Variants in CHD5 observed in about 807,000 individuals in gnomAD.
CHD5 encodes ATP-dependent chromatin remodeler CHD5.
Under a neutral mutation model 230.3 loss-of-function variants are expected in CHD5, and 69 were observed. The observed-to-expected ratio is 0.30, with a 90% CI of 0.25 to 0.37. The LOEUF (loss-of-function observed/expected upper bound fraction) is 0.37. CHD5 is among the 10% of genes least tolerant of loss of function. CHD5 has a pLI of 1.00. For synonymous variants in CHD5, 1,064 were observed against 1,065.9 expected (o/e 1.00, Z 0.03); for missense variants, 1,827 against 2,622.8 (o/e 0.70, Z 6.63).
At chr1:6,178,912 G>A (rs1302091220) in intron 1 of CHD5, among the ~76,000 whole-genome samples, 1 of 152,188 alleles carries the variant, frequency 6.6e-6, no homozygotes, top group Non-Finnish European at 1.5e-5. Flanking sequence ...GGGCCCGGGA[G>A]GGCCTCCAGC....
At position 6,154,991 on chromosome 1, in the gene CHD5, G is replaced by A; in HGVS notation, c.507-93C>T. The A allele has an allele frequency of 3.7e-6, 4 of 1,088,756 alleles. No individual in the cohort carries two copies. The highest frequency in any genetic ancestry group is 5.3e-6 in the Non-Finnish European group (4 of 749,658). The allele number at this position is 1,088,756 out of a possible 1,614,324, so 67.4% of individuals were successfully genotyped here. A position where few individuals can be genotyped will look rare whatever the true frequency, so the allele number is the denominator to read the frequency against. On this transcript the variant is annotated intron_variant, in intron 4 of 41. Transcript: ENST00000262450. The surrounding 1 kb of genome is among the most constrained non-coding windows in gnomAD (Gnocchi z 7.0). Reference sequence around the variant, plus strand: ...CAGGGCCCACCCCTCTGCCACATGTGCGATCTATGGCAGCAGCCCCAGGTT... The same window carrying A: ...CAGGGCCCACCCCTCTGCCACATGTACGATCTATGGCAGCAGCCCCAGGTT...
Position 6,151,101 on chromosome 1 carries a change from C to T in CHD5, c.925G>A (p.Ala309Thr). The T allele has an allele frequency of 6.2e-7, 1 of 1,609,996 alleles. No individual in the cohort carries two copies. Among genetic ancestry groups the T allele is most frequent in the Non-Finnish European group, 8.5e-7 (1 of 1,177,914 alleles). ...SDFDSASIHS[A>T]SVRSECSAAL... ...GCAGAGCATTCGGAGCGCACGGAGG[C>T]ACTGTGGATGCTGGCGCTGTCGAAG... is the stretch of plus-strand genomic sequence containing the variant. Residue 309 changes from alanine (A) to threonine (T), a missense_variant, in exon 7 of 42, where the codon GCC (alanine) becomes ACC (threonine). Around this residue, in one of 14 missense-constraint regions of CHD5, gnomAD observed 657 missense variants for 816.4 expected, o/e 0.80. Coordinates refer to ENST00000262450, the MANE Select transcript of CHD5 (RefSeq NM_015557.3).
intron 1 of CHD5, among the ~76,000 whole-genome samples, chr1:6,170,348 G>A (rs1667317657): frequency 6.6e-6 from 1 of 152,202 alleles, no homozygotes; most frequent in South Asian, 2.1e-4. Context: ...GGGGACAGGA[G>A]GGCTCCTACC....
intron 1 of CHD5, among the ~76,000 whole-genome samples, chr1:6,175,538 AGATG>A (rs1178697552): frequency 7.3e-6 from 1 of 136,884 alleles, no homozygotes; most frequent in African/African-American, 2.8e-5. Context: ...GTGGATGGGC[AGATG>A]GATGGATGGT....
At chr1:6,114,938 C>T (rs552233608) in intron 33 of CHD5, among the ~76,000 whole-genome samples, 6 of 150,958 alleles carry the variant, frequency 4.0e-5, no homozygotes, top group Admixed American at 2.0e-4. Context: ...CACTTGAACC[C>T]GGGAAGCAGA....
chr1:6,159,895 G>A (rs951735256), intron 2 of CHD5, among the ~76,000 whole-genome samples: 1 of 152,248 alleles, frequency 6.6e-6, no homozygotes, highest in African/African-American at 2.4e-5. Flanking sequence ...GGACTTTGGG[G>A]GCTGAATTAG....
chr1:6,112,360 C>A, intron 34 of CHD5, 83 bp from the exon 35 acceptor site: 1 of 1,540,168 alleles, frequency 6.5e-7, no homozygotes, highest in Non-Finnish European at 8.8e-7. Context: ...CACGGGGGAC[C>A]CAGGAGGCAA....
chr1:6,152,923 A>G (rs922977269), intron 5 of CHD5, among the ~76,000 whole-genome samples: 1 of 152,066 alleles, frequency 6.6e-6, no homozygotes, highest in Non-Finnish European at 1.5e-5. Context: ...TGAGCCCCCA[A>G]AGGATGTCTT....
At chr1:6,143,688 G>C (rs1217867478) in intron 13 of CHD5, 135 bp downstream of exon 13, 1 of 761,370 alleles carries the variant, frequency 1.3e-6, no homozygotes, top group African/African-American at 1.7e-5. Flanking sequence ...GCCTACATGG[G>C]CATGACACTG....
intron 31 of CHD5, 113 bp downstream of exon 31, chr1:6,123,835 T>G: frequency 4.5e-6 from 3 of 673,830 alleles, no homozygotes; most frequent in Non-Finnish European, 6.8e-6. Context: ...AACAGAGGCT[T>G]TGGGGGAAGG....
rs185675828 is a variant in CHD5 at position 6,133,721 on chromosome 1, C to T, written c.3144+407G>A. ...GAGGAAGAAATGAACACACCTGAGC[C>T]GGCGGCCCTGCCTCCAAGCCAAAAA... On this transcript the variant is annotated intron_variant, in intron 20 of 41. Transcript: ENST00000262450. Among the ~76,000 whole-genome samples, 9 of 152,342 alleles carry T rather than the reference C, an allele frequency of 5.9e-5. No individual in the cohort carries two copies. The East Asian group carries it at 1.2e-3, about 20-fold the overall frequency.
At position 6,112,933 on chromosome 1, in the gene CHD5, C is replaced by T; in HGVS notation, c.4978G>A (p.Gly1660Arg). Reference sequence around the variant, plus strand: ...CCTGGCCTGAGTTCGGAACTGTCCCCTCTGCTGTGGATCAAGCTCAGCTCC... The same window carrying T: ...CCTGGCCTGAGTTCGGAACTGTCCCTTCTGCTGTGGATCAAGCTCAGCTCC... ...KLELSLIHSR[G>R]DSSELRPDDT... Residue 1660 changes from glycine (G) to arginine (R), a missense_variant, in exon 34 of 42, where the codon GGG becomes AGG. Transcript: ENST00000262450. 6.2e-7 allele frequency: 1 copy of T among 1,613,960 alleles called. No homozygotes were observed. Among genetic ancestry groups the T allele is most frequent in the Non-Finnish European group, 8.5e-7 (1 of 1,179,870 alleles).
Position 6,134,572 on chromosome 1 carries a change from C to T in CHD5, c.3012+146G>A. On this transcript the variant is annotated intron_variant, in intron 19 of 41. Coordinates refer to ENST00000262450, the MANE Select transcript of CHD5 (RefSeq NM_015557.3). The surrounding 1 kb of genome is among the most constrained non-coding windows in gnomAD (Gnocchi z 6.3). ...GGCCACAGGCAACCTTCCATGATGG[C>T]CAGGGAAACCTACCATGACAGCCAC... The T allele has an allele frequency of 1.1e-6, 1 of 932,906 alleles. No homozygotes were observed. Among genetic ancestry groups the T allele is most frequent in the Non-Finnish European group, 1.7e-6 (1 of 595,052 alleles). 57.8% of individuals were successfully genotyped at this position (932,906 alleles called of 1,614,324 possible).
intron 11 of CHD5, among the ~76,000 whole-genome samples, chr1:6,144,801 C>T (rs766792565): frequency 4.6e-5 from 7 of 152,214 alleles, no homozygotes; most frequent in Non-Finnish European, 1.0e-4. Flanking sequence ...CACAGCAGTG[C>T]CGAGGAGGCA....
chr1:6,164,911 G>A lies in CHD5; in HGVS notation c.207+3239C>T, dbSNP rs540165319. On this transcript the variant is annotated intron_variant, in intron 2 of 41. Transcript: ENST00000262450. ...GAGAAATGAGGGTACAGGGGGAAGA[G>A]AGAAAAGACGGCAAAGGAGAGAGAG... Among the ~76,000 whole-genome samples the A allele has an allele frequency of 3.9e-5, 6 of 152,262 alleles. No homozygotes were observed. In the South Asian group the frequency reaches 1.2e-3, roughly 32 times the overall value.
Position 6,125,527 on chromosome 1 carries a change from G to A in CHD5, c.4257C>T (p.Ile1419=), listed in dbSNP as rs371488822. 97 of 1,581,774 alleles carry A rather than the reference G, an allele frequency of 6.1e-5. No individual in the cohort carries two copies. The highest frequency in any genetic ancestry group is 8.1e-5 in the Non-Finnish European group (94 of 1,162,524). ...TGCGGGAACAGACAGGCCCCACCTC[G>A]ATGTTGCCACCAACTCGGGCGAGAA... ...PPLLARVGGN[I]EVLGFNARQR... is the part of the protein sequence containing the mutation. Residue 1419 remains isoleucine, a synonymous_variant, in exon 28 of 42, where the codon ATC becomes ATT. Transcript: ENST00000262450. This position sits in a 1 kb window ranked among gnomAD's most constrained non-coding sequence, Gnocchi z 6.7.
At chr1:6,151,272 G>T in intron 6 of CHD5, 117 bp from the exon 7 acceptor site, 1 of 1,238,632 alleles carries the variant, frequency 8.1e-7, no homozygotes, top group Non-Finnish European at 1.1e-6. Context: ...AGTGCTCTCT[G>T]TGATTCATCT....
At chr1:6,112,102 G>A in intron 35 of CHD5, 38 bp downstream of exon 35, 1 of 1,603,772 alleles carries the variant, frequency 6.2e-7, no homozygotes, top group Non-Finnish European at 8.5e-7. Flanking sequence ...CCACAGTCAG[G>A]AAGCCTCAGC....
In CHD5 at chr1:6,103,547, C is replaced by CACTGCTTG. The variant is rs1666109373; in HGVS notation, c.*1919_*1926dup. 6.6e-6 allele frequency: 1 copy of CACTGCTTG among 152,378 alleles called. No homozygotes were observed. The highest frequency in any genetic ancestry group is 1.5e-5 in the Non-Finnish European group (1 of 68,140). 9.4% of individuals were successfully genotyped at this position (152,378 alleles called of 1,614,324 possible). ...AACGAGGGCCAACCCCAGTGCTTGC[C>CACTGCTTG]ACTGCTTGTTTGGGGACGAGGGCAC... On this transcript the variant is annotated 3_prime_UTR_variant, in exon 42 of 42. Transcript: ENST00000262450.
Sources: gnomAD v4.1 joint callset for allele counts (sites outside exome capture counted in the v4.1 genomes callset) on GRCh38, gnomAD v4.1.1 for gene constraint, gnomAD v4.1.1 regional missense constraint, Gnocchi (gnomAD v3.1) non-coding constraint, MANE v1.5 for transcripts, NCBI Gene and HGNC (gene_info 2026-07-23, HGNC 2026-07-21) for gene names.